The following ZNF277 variants were observed in gnomAD, a reference collection of about 807,000 sequenced individuals.
The protein encoded by ZNF277 is zinc finger protein 277.
Under a neutral mutation model 60.7 loss-of-function variants are expected in ZNF277, and 55 were observed. The observed-to-expected ratio is 0.91, with a 90% CI of 0.73 to 1.13. The LOEUF (loss-of-function observed/expected upper bound fraction) is 1.13, where lower values mean the gene tolerates loss of function less well. Among genes scored for constraint, ZNF277 ranks in the 50% most tolerant of loss-of-function variants. The pLI, the probability that ZNF277 is intolerant of heterozygous loss-of-function variation, is 0.00. For synonymous variants in ZNF277, 178 were observed against 179.3 expected (o/e 0.99, Z 0.06); for missense variants, 510 against 523.0 (o/e 0.98, Z 0.24).
chr7:112,330,100 T>C lies in ZNF277; in HGVS notation c.685T>C (p.Cys229Arg), dbSNP rs1158621614. 6.2e-7 allele frequency: 1 copy of C among 1,613,270 alleles called. No individual in the cohort carries two copies. Among genetic ancestry groups the C allele is most frequent in the East Asian group, 2.2e-5 (1 of 44,796 alleles). ...TTCTTGTAGTTTGCAGTGCTTGTAC[T>C]GTGAGAAGACCTTCAGGGACAAAAA... ...KKLDNLQCLY[C>R]EKTFRDKNTL... Residue 229 changes from cysteine (C) to arginine (R), a missense_variant, in exon 7 of 12, where the codon TGT (cysteine) becomes CGT (arginine). Cys to Arg is a radical substitution (Grantham distance 180). Coordinates refer to ENST00000361822, the MANE Select transcript of ZNF277 (RefSeq NM_021994.3).
chr7:112,236,800 A>C (rs2116986404), intron 1 of ZNF277, among the ~76,000 whole-genome samples: 1 of 152,278 alleles, frequency 6.6e-6, no homozygotes, highest in East Asian at 1.9e-4. Flanking sequence ...TCGACACACC[A>C]CTGACAACAC....
chr7:112,276,633 C>T (rs1791799964), intron 1 of ZNF277, among the ~76,000 whole-genome samples: 1 of 151,988 alleles, frequency 6.6e-6, no homozygotes, highest in African/African-American at 2.4e-5. Context: ...AGAACCCACT[C>T]CTATTAATTA....
At chr7:112,277,547 A>G (rs1791835337) in intron 1 of ZNF277, among the ~76,000 whole-genome samples, 1 of 152,190 alleles carries the variant, frequency 6.6e-6, no homozygotes, top group African/African-American at 2.4e-5. Flanking sequence ...TGTCTTGTCT[A>G]ATAGACTAGT....
chr7:112,233,308 C>T (rs1195668894), intron 1 of ZNF277, among the ~76,000 whole-genome samples: 1 of 152,148 alleles, frequency 6.6e-6, no homozygotes, highest in African/African-American at 2.4e-5. Flanking sequence ...CCTCTGGTTC[C>T]GTCTTATTCT....
Position 112,308,222 on chromosome 7 carries a change from A to G in ZNF277, c.466-9960A>G, listed in dbSNP as rs530834933. On this transcript the variant is annotated intron_variant, in intron 4 of 11. Coordinates refer to ENST00000361822, the MANE Select transcript of ZNF277 (RefSeq NM_021994.3). ...TTTACTTAAAATTTAATCTGTTAAA[A>G]ATTGTGACCATGGCTGGGTGCGGTG... 1.5e-4 allele frequency among the ~76,000 whole-genome samples: 23 copies of G among 152,188 alleles called. No homozygotes were observed. In the East Asian group the frequency reaches 3.7e-3, roughly 24 times the overall value.
chr7:112,267,852 C>G (rs1316203309), intron 1 of ZNF277, among the ~76,000 whole-genome samples: 1 of 152,066 alleles, frequency 6.6e-6, no homozygotes, highest in Non-Finnish European at 1.5e-5. Flanking sequence ...GCAGCTTGCC[C>G]CAGCCAAGAC....
intron 1 of ZNF277, among the ~76,000 whole-genome samples, chr7:112,242,105 G>A (rs1047208596): frequency 6.6e-6 from 1 of 151,770 alleles, no homozygotes; most frequent in Non-Finnish European, 1.5e-5. Context: ...AATATCTTAT[G>A]TACCCCATAA....
At chr7:112,271,172 G>A (rs975858415) in intron 1 of ZNF277, among the ~76,000 whole-genome samples, 10 of 152,114 alleles carry the variant, frequency 6.6e-5, no homozygotes, top group Admixed American at 2.0e-4. Context: ...TTTGCAACAT[G>A]TACCATTTAT....
At chr7:112,242,518 G>T (rs1437897789) in intron 1 of ZNF277, among the ~76,000 whole-genome samples, 1 of 118,192 alleles carries the variant, frequency 8.5e-6, no homozygotes, top group Non-Finnish European at 1.7e-5. Flanking sequence ...GTCAAGCTGA[G>T]AACCAAATCA....
At chr7:112,285,744 C>T (rs765714394) in intron 1 of ZNF277, among the ~76,000 whole-genome samples, 20 of 151,912 alleles carry the variant, frequency 1.3e-4, no homozygotes, top group Non-Finnish European at 2.1e-4. Flanking sequence ...AATTCTCAAG[C>T]CATGGTCACC....
intron 5 of ZNF277, 31 bp downstream of exon 5, chr7:112,318,304 G>C (rs1376636636): frequency 6.3e-7 from 1 of 1,579,026 alleles, no homozygotes; most frequent in Non-Finnish European, 8.7e-7. Context: ...AAATGTTACT[G>C]TTTTTAATCT....
At chr7:112,269,971 G>T (rs1791632250) in intron 1 of ZNF277, among the ~76,000 whole-genome samples, 1 of 152,054 alleles carries the variant, frequency 6.6e-6, no homozygotes, top group South Asian at 2.1e-4. Context: ...AAGAATAATA[G>T]AGATCATATG....
chr7:112,234,891 C>T (rs1213205616), intron 1 of ZNF277, among the ~76,000 whole-genome samples: 1 of 151,574 alleles, frequency 6.6e-6, no homozygotes, highest in Non-Finnish European at 1.5e-5. Flanking sequence ...ATTTTTATAA[C>T]CAGTTTGTCC....
chr7:112,256,435 T>G (rs956583766), intron 1 of ZNF277, among the ~76,000 whole-genome samples: 36 of 145,740 alleles, frequency 2.5e-4, no homozygotes, highest in African/African-American at 8.7e-4. Flanking sequence ...TTTTTTTTTT[T>G]TTTTTTTTTT....
At chr7:112,290,235 CT>C (rs1322164129) in intron 2 of ZNF277, among the ~76,000 whole-genome samples, 1 of 152,148 alleles carries the variant, frequency 6.6e-6, no homozygotes, top group Non-Finnish European at 1.5e-5. Context: ...TAAGATTTTT[CT>C]TTCTCCTCTG....
At chr7:112,237,414 T>G (rs903590788) in intron 1 of ZNF277, among the ~76,000 whole-genome samples, 1 of 151,296 alleles carries the variant, frequency 6.6e-6, no homozygotes. Context: ...AAAAAATCAA[T>G]GAAACAAAAA....
At chr7:112,220,010 T>C (rs985695761) in intron 1 of ZNF277, among the ~76,000 whole-genome samples, 12 of 152,236 alleles carry the variant, frequency 7.9e-5, no homozygotes, top group Admixed American at 3.3e-4. Flanking sequence ...TTTTGTTCTT[T>C]TTGCTCAACA....
At chr7:112,310,742 A>G (rs1792711832) in intron 4 of ZNF277, among the ~76,000 whole-genome samples, 1 of 151,790 alleles carries the variant, frequency 6.6e-6, no homozygotes, top group Admixed American at 6.6e-5. Context: ...TTTCATGAGG[A>G]GATTTGTTGT....
chr7:112,339,046 A>T, intron 9 of ZNF277, among the ~76,000 whole-genome samples: 1 of 152,258 alleles, frequency 6.6e-6, no homozygotes, highest in Non-Finnish European at 1.5e-5. Context: ...AGCGTGATTT[A>T]TAGGAAGGTG....
Sources: gnomAD v4.1 joint callset for allele counts (sites outside exome capture counted in the v4.1 genomes callset) on GRCh38, gnomAD v4.1.1 for gene constraint, MANE v1.5 for transcripts, NCBI Gene and HGNC (gene_info 2026-07-23, HGNC 2026-07-21) for gene names.